Variants in KLHL31 observed in about 807,000 individuals in gnomAD.
KLHL31 encodes the protein kelch like family member 31.
Under a neutral mutation model 47.1 loss-of-function variants are expected in KLHL31, and 32 were observed. That is an observed-to-expected ratio of 0.68 (90% CI 0.51 to 0.91). The LOEUF is 0.91. KLHL31 is among the 40% of genes least tolerant of loss of function. KLHL31 has a pLI of 0.00. For synonymous variants in KLHL31, 330 were observed against 325.1 expected (o/e 1.01, Z -0.16); for missense variants, 797 against 819.3 (o/e 0.97, Z 0.33).
At chr6:53,663,872 A>G (rs1272679003) in intron 1 of KLHL31, among the ~76,000 whole-genome samples, 3 of 152,182 alleles carry the variant, frequency 2.0e-5, no homozygotes, top group Non-Finnish European at 4.4e-5. Context: ...TGCTCTAACC[A>G]CTTGATAGAC....
In KLHL31 at chr6:53,656,754, C is replaced by CTTGTTT. The variant is rs1006280511; in HGVS notation, c.-33-1455_-33-1450dup. ...TATAAGACCAGAACAAGCTAGGGATCTTGTTTTTGTTTTTGTTTTTATAAC... is the reference window on the plus strand; with the variant it reads ...TATAAGACCAGAACAAGCTAGGGATCTTGTTTTTGTTTTTGTTTTTGTTTTTATAAC... On this transcript the variant is annotated intron_variant, in intron 1 of 2. Coordinates refer to ENST00000370905, the MANE Select transcript of KLHL31 (RefSeq NM_001003760.5). 2.0e-5 allele frequency among the ~76,000 whole-genome samples: 3 copies of CTTGTTT among 152,022 alleles called. No homozygotes were observed. In the East Asian group the frequency reaches 5.8e-4, roughly 29 times the overall value.
chr6:53,649,748 TTAACCA>T lies in KLHL31; in HGVS notation c.*1844_*1849del, dbSNP rs1764439058. The T allele has an allele frequency of 6.6e-6, 1 of 152,156 alleles. No homozygotes were observed. The allele number at this position is 152,156 out of a possible 1,614,324, so 9.4% of individuals were successfully genotyped here. On this transcript the variant is annotated 3_prime_UTR_variant, in exon 3 of 3. Transcript: ENST00000370905. ...AATAAAACACCCTTTTCTCCAAAAA[TTAACCA>T]TATACTATAGGCTTCTCAGTTGTAT...
rs1764492034 is a variant in KLHL31, at chr6:53,652,489, A to C, written c.1173-159T>G. On this transcript the variant is annotated intron_variant, in intron 2 of 2. Transcript: ENST00000370905. ...GGAGGCTGGAGTTTCTCTCTCAGCC[A>C]GTAAAAATGTGTGACACTTGGAAAA... The C allele has an allele frequency of 4.9e-6, 4 of 821,556 alleles. No individual in the cohort carries two copies. The East Asian group carries it at 1.0e-4, about 21-fold the overall frequency. 50.9% of individuals were successfully genotyped at this position (821,556 alleles called of 1,614,324 possible). A position where few individuals can be genotyped will look rare whatever the true frequency, so the allele number is the denominator to read the frequency against.
At position 53,655,100 on chromosome 6, in the gene KLHL31, T is replaced by C. The variant is rs778096896; in HGVS notation, c.173A>G (p.Asn58Ser). The C allele has an allele frequency of 4.3e-6, 7 of 1,614,190 alleles. No homozygotes were observed. Among genetic ancestry groups the C allele is most frequent in the East Asian group, 4.5e-5 (2 of 44,886 alleles). ...SELTDASYGP[N>S]LLEGLSKMRQ... ...CATTTTACTTAAACCTTCCAAGAGG[T>C]TGGGGCCATAAGAAGCATCTGTTAG... Residue 58 changes from asparagine (N) to serine (S), a missense_variant, in exon 2 of 3, where the codon AAC becomes AGC. Physicochemically the swap from Asn to Ser is conservative, Grantham distance 46. Transcript: ENST00000370905.
At chr6:53,657,685 G>A (rs1764584276) in intron 1 of KLHL31, among the ~76,000 whole-genome samples, 1 of 146,098 alleles carries the variant, frequency 6.8e-6, no homozygotes, top group Non-Finnish European at 1.5e-5. Flanking sequence ...TCATCCTGAG[G>A]GGTAAAACTC....
At chr6:53,664,673 C>T (rs79279936) in intron 1 of KLHL31, among the ~76,000 whole-genome samples, 8,089 of 152,330 alleles carry the variant, frequency 0.053, 290 homozygotes, top group East Asian at 0.091. Flanking sequence ...TGCACCCATG[C>T]TTCCTGGGAG....
At position 53,648,500 on chromosome 6, in the gene KLHL31, G is replaced by C. The variant is rs1359642576; in HGVS notation, c.*3098C>G. The C allele has an allele frequency of 6.6e-6, 1 of 152,100 alleles. No individual in the cohort carries two copies. Among genetic ancestry groups the C allele is most frequent in the Non-Finnish European group, 1.5e-5 (1 of 68,010 alleles). The allele number at this position is 152,100 out of a possible 1,614,324, so 9.4% of individuals were successfully genotyped here. ...CCTTTTAGAACGTACATATTTCCAG[G>C]TAAACCTCTATTTACATGTGTATTT... is the stretch of plus-strand genomic sequence containing the variant. On this transcript the variant is annotated 3_prime_UTR_variant, in exon 3 of 3. Transcript: ENST00000370905.
chr6:53,651,956 T>C lies in KLHL31; in HGVS notation c.1547A>G (p.Tyr516Cys). 1 of 1,593,484 alleles carries C rather than the reference T, an allele frequency of 6.3e-7. No individual in the cohort carries two copies. Among genetic ancestry groups the C allele is most frequent in the Non-Finnish European group, 8.5e-7 (1 of 1,176,348 alleles). Residue 516 changes from tyrosine to cysteine, a missense_variant, in exon 3 of 3, where the codon TAC becomes TGC. Physicochemically the swap from Tyr to Cys is radical, Grantham distance 194. Transcript: ENST00000370905. Reference sequence around the variant, plus strand: ...CCCCAGCTGGCTGCCGCCCATCACGTACACTCTGTCGCTCAGCGTGACCGC... The same window carrying C: ...CCCCAGCTGGCTGCCGCCCATCACGCACACTCTGTCGCTCAGCGTGACCGC... ...HCAVTLSDRVYVMGGSQLGPR... is the reference protein window; with the variant it reads ...HCAVTLSDRVCVMGGSQLGPR...
At chr6:53,658,552 G>A (rs1764603745) in intron 1 of KLHL31, among the ~76,000 whole-genome samples, 1 of 152,094 alleles carries the variant, frequency 6.6e-6, no homozygotes, top group Non-Finnish European at 1.5e-5. Context: ...TAATTCTTCA[G>A]TTACTAGATA....
At chr6:53,659,999 T>C (rs1764622801) in intron 1 of KLHL31, among the ~76,000 whole-genome samples, 1 of 152,186 alleles carries the variant, frequency 6.6e-6, no homozygotes, top group Non-Finnish European at 1.5e-5. Context: ...TTTTTCTTTA[T>C]AGTCTCTTGC....
chr6:53,652,043 T>A lies in KLHL31; in HGVS notation c.1460A>T (p.Asp487Val), dbSNP rs1764480217. The change falls in exon 3 of 3, where the codon GAC (aspartate) becomes GTC (valine). Residue 487 changes from aspartate to valine, a missense_variant. By Grantham distance (152) the Asp-to-Val change is radical. Coordinates refer to ENST00000370905, the MANE Select transcript of KLHL31 (RefSeq NM_001003760.5). ...NAYSRSVCAY[D>V]PASDSWQELP... ...CTCCTGCCACGAGTCGCTGGCCGGG[T>A]CGTAGGCGCACACAGAGCGCGAGTA... The A allele has an allele frequency of 1.3e-6, 2 of 1,593,198 alleles. No homozygotes were observed.
At chr6:53,664,246 G>A (rs866244000) in intron 1 of KLHL31, among the ~76,000 whole-genome samples, 87 of 152,146 alleles carry the variant, frequency 5.7e-4, no homozygotes, top group East Asian at 1.9e-4. Flanking sequence ...AGGCAGTGTT[G>A]AGGACATACT....
chr6:53,656,190 G>T (rs985097374), intron 1 of KLHL31, among the ~76,000 whole-genome samples: 2 of 152,018 alleles, frequency 1.3e-5, no homozygotes, highest in African/African-American at 4.8e-5. Context: ...TAACAGACAG[G>T]GACTCTACAT....
At position 53,650,012 on chromosome 6, in the gene KLHL31, C is replaced by T. The variant is rs773913754; in HGVS notation, c.*1586G>A. 1 of 152,100 alleles carries T rather than the reference C, an allele frequency of 6.6e-6. No homozygotes were observed. Among genetic ancestry groups the T allele is most frequent in the Non-Finnish European group, 1.5e-5 (1 of 68,018 alleles). 9.4% of individuals were successfully genotyped at this position (152,100 alleles called of 1,614,324 possible). A position where few individuals can be genotyped will look rare whatever the true frequency, so the allele number is the denominator to read the frequency against. Reference sequence around the variant, plus strand: ...ATATAAAATTGTTCCACAAAGTGTACTATATGAACCACTTTTCACAGTTCA... The same window carrying T: ...ATATAAAATTGTTCCACAAAGTGTATTATATGAACCACTTTTCACAGTTCA... On this transcript the variant is annotated 3_prime_UTR_variant, in exon 3 of 3. Transcript: ENST00000370905.
At chr6:53,662,840 T>G (rs1764666819) in intron 1 of KLHL31, among the ~76,000 whole-genome samples, 1 of 152,214 alleles carries the variant, frequency 6.6e-6, no homozygotes, top group African/African-American at 2.4e-5. Context: ...AGTATATTAA[T>G]TCTTAAATAT....
chr6:53,651,291 T>G lies in KLHL31; in HGVS notation c.*307A>C. On this transcript the variant is annotated 3_prime_UTR_variant, in exon 3 of 3. Coordinates refer to ENST00000370905, the MANE Select transcript of KLHL31 (RefSeq NM_001003760.5). ...CAAATGTGGGTGTAACCGCTATACA[T>G]TTAGGAAACATGCCGCCTTGGGAGA... The G allele has an allele frequency of 4.0e-6, 1 of 249,500 alleles. No individual in the cohort carries two copies. Among genetic ancestry groups the G allele is most frequent in the Non-Finnish European group, 7.7e-6 (1 of 129,790 alleles). 15.5% of individuals were successfully genotyped at this position (249,500 alleles called of 1,614,324 possible). A position where few individuals can be genotyped will look rare whatever the true frequency, so the allele number is the denominator to read the frequency against.
rs1378902743 is a variant in KLHL31, at chr6:53,651,498, G to A, written c.*100C>T. 28 of 1,183,072 alleles carry A rather than the reference G, an allele frequency of 2.4e-5. No individual in the cohort carries two copies. Among genetic ancestry groups the A allele is most frequent in the Non-Finnish European group, 3.2e-5 (28 of 880,978 alleles). 73.3% of individuals were successfully genotyped at this position (1,183,072 alleles called of 1,614,324 possible). The stretch of plus-strand genomic sequence containing the variant: ...CATATTTTACAATACAATCAGTGTA[G>A]TAAATGTTAAATATTTTCCTTTTCG... On this transcript the variant is annotated 3_prime_UTR_variant, in exon 3 of 3. Coordinates refer to ENST00000370905, the MANE Select transcript of KLHL31 (RefSeq NM_001003760.5).
intron 1 of KLHL31, 103 bp from the exon 2 acceptor site, chr6:53,655,408 T>A (rs1181107309): frequency 1.8e-6 from 1 of 548,520 alleles, no homozygotes; most frequent in Non-Finnish European, 3.1e-6. Flanking sequence ...TTTCATGGCA[T>A]AAAATAGATT....
intron 1 of KLHL31, among the ~76,000 whole-genome samples, chr6:53,657,613 TGTGTG>T (rs1327410729): frequency 1.3e-5 from 1 of 79,420 alleles, no homozygotes; most frequent in African/African-American, 9.7e-5. Context: ...TTTTGTTTTG[TGTGTG>T]TGTGTGTGTG....
Sources: allele counts gnomAD v4.1 joint callset (sites outside exome capture counted in the v4.1 genomes callset), GRCh38; gene constraint gnomAD v4.1.1; transcripts MANE v1.5; gene names NCBI Gene and HGNC (gene_info 2026-07-23, HGNC 2026-07-21).